NRG3: variants seen among roughly 807,000 people sequenced by gnomAD.
NRG3 encodes neuregulin 3.
Under a neutral mutation model 66.9 loss-of-function variants are expected in NRG3, and 31 were observed. The observed-to-expected ratio is 0.46, with a 90% confidence interval of 0.35 to 0.63. The LOEUF (loss-of-function observed/expected upper bound fraction) is 0.63. Ranked by LOEUF, NRG3 falls within the 20% of genes least tolerant of loss-of-function variation. The pLI is 0.00. For synonymous variants in NRG3, 393 were observed against 359.4 expected (o/e 1.09, Z -1.06); for missense variants, 910 against 878.9 (o/e 1.04, Z -0.45).
chr10:81,936,803 A>G (rs1327255170), intron 1 of NRG3, among the ~76,000 whole-genome samples: 1 of 152,048 alleles, frequency 6.6e-6, no homozygotes, highest in African/African-American at 2.4e-5. Flanking sequence ...GGTCCAAAAG[A>G]TGAGGGGAGG....
At chr10:82,171,803 A>G (rs1273889035) in intron 1 of NRG3, among the ~76,000 whole-genome samples, 1 of 152,112 alleles carries the variant, frequency 6.6e-6, no homozygotes, top group Non-Finnish European at 1.5e-5. Context: ...AAAGGTAAAG[A>G]GGGAAGAACA....
intron 1 of NRG3, among the ~76,000 whole-genome samples, chr10:82,274,598 T>G (rs1224384021): frequency 6.6e-6 from 1 of 152,080 alleles, no homozygotes; most frequent in East Asian, 1.9e-4. Flanking sequence ...AAGAAACATT[T>G]CATTCATACC....
At chr10:82,898,785 G>A (rs569053883) in intron 4 of NRG3, among the ~76,000 whole-genome samples, 23 of 141,534 alleles carry the variant, frequency 1.6e-4, no homozygotes, top group Middle Eastern at 3.9e-3. Context: ...GCAGTTGTGC[G>A]ATCTTGGCTC....
At chr10:82,582,653 C>A (rs927254456) in intron 2 of NRG3, among the ~76,000 whole-genome samples, 2 of 141,820 alleles carry the variant, frequency 1.4e-5, no homozygotes, top group Non-Finnish European at 3.1e-5. Context: ...GGAAAAATAT[C>A]TATATGTGTT....
intron 1 of NRG3, among the ~76,000 whole-genome samples, chr10:82,312,304 A>G (rs934510834): frequency 6.6e-6 from 1 of 152,212 alleles, no homozygotes; most frequent in African/African-American, 2.4e-5. Flanking sequence ...ATACTGTCAT[A>G]TCTGAGTCTA....
At chr10:82,546,038 G>T (rs554775030) in intron 2 of NRG3, among the ~76,000 whole-genome samples, 1 of 152,096 alleles carries the variant, frequency 6.6e-6, no homozygotes, top group African/African-American at 2.4e-5. Flanking sequence ...CAAAGTGCTG[G>T]GATTACAGGC....
intron 2 of NRG3, among the ~76,000 whole-genome samples, chr10:82,377,826 C>G (rs936411283): frequency 6.6e-6 from 1 of 152,190 alleles, no homozygotes; most frequent in Non-Finnish European, 1.5e-5. Context: ...GCTGGGATTT[C>G]TGCAAATAAC....
intron 1 of NRG3, among the ~76,000 whole-genome samples, chr10:82,248,708 T>C (rs1450866309): frequency 6.6e-6 from 1 of 152,220 alleles, no homozygotes; most frequent in African/African-American, 2.4e-5. Flanking sequence ...GTTATGATCA[T>C]TATCATTTTA....
chr10:82,533,904 TCA>T (rs1847553144), intron 2 of NRG3, among the ~76,000 whole-genome samples: 1 of 152,124 alleles, frequency 6.6e-6, no homozygotes, highest in Admixed American at 6.6e-5. Context: ...ATAAATGAAT[TCA>T]GCAAAGTTGT....
intron 2 of NRG3, among the ~76,000 whole-genome samples, chr10:82,408,916 T>C (rs1319859922): frequency 2.0e-5 from 3 of 152,120 alleles, no homozygotes; most frequent in Non-Finnish European, 4.4e-5. Flanking sequence ...AGGAAACTTT[T>C]CCACATGTGG....
intron 2 of NRG3, among the ~76,000 whole-genome samples, chr10:82,685,087 A>T (rs780669633): frequency 1.3e-5 from 2 of 152,268 alleles, no homozygotes; most frequent in Non-Finnish European, 2.9e-5. Context: ...AATAAGAAAA[A>T]ATATGAAAAA....
At chr10:82,634,157 G>A (rs1173934620) in intron 2 of NRG3, among the ~76,000 whole-genome samples, 1 of 152,144 alleles carries the variant, frequency 6.6e-6, no homozygotes, top group Non-Finnish European at 1.5e-5. Flanking sequence ...AATTGTAGAA[G>A]CAATTTTCCA....
intron 2 of NRG3, among the ~76,000 whole-genome samples, chr10:82,482,092 C>G (rs971514498): frequency 6.6e-6 from 1 of 151,662 alleles, no homozygotes; most frequent in Non-Finnish European, 1.5e-5. Flanking sequence ...TTTTTAAAAC[C>G]AAACATATAC....
intron 1 of NRG3, among the ~76,000 whole-genome samples, chr10:81,984,917 C>T (rs76405080): frequency 3.0e-4 from 45 of 152,036 alleles, no homozygotes; most frequent in African/African-American, 9.2e-4. Flanking sequence ...TGAAAAAATA[C>T]AAAACGGTGT....
chr10:82,793,143 G>A (rs957492909), intron 3 of NRG3, among the ~76,000 whole-genome samples: 2 of 151,916 alleles, frequency 1.3e-5, no homozygotes, highest in African/African-American at 4.8e-5. Context: ...TTAAAATGTT[G>A]ATCATTCCAT....
intron 2 of NRG3, among the ~76,000 whole-genome samples, chr10:82,501,355 C>A (rs535688253): frequency 6.6e-6 from 1 of 152,250 alleles, no homozygotes; most frequent in South Asian, 2.1e-4. Flanking sequence ...AAGAGCAAAC[C>A]TTTTAACATA....
At chr10:82,905,955 C>T (rs1412919) in intron 4 of NRG3, among the ~76,000 whole-genome samples, 38,144 of 151,972 alleles carry the variant, frequency 0.25, 5,230 homozygotes, top group East Asian at 0.52. Context: ...TAGAGGCTAG[C>T]TTAGCTGTGG....
chr10:82,926,891 C>A (rs1847057845), intron 4 of NRG3, among the ~76,000 whole-genome samples: 1 of 152,220 alleles, frequency 6.6e-6, no homozygotes. Flanking sequence ...CATGTCTCAA[C>A]TGCACTGTGT....
chr10:82,115,493 T>C (rs986447452), intron 1 of NRG3, among the ~76,000 whole-genome samples: 5 of 152,124 alleles, frequency 3.3e-5, no homozygotes, highest in Non-Finnish European at 7.4e-5. Flanking sequence ...TTTTCTGAAT[T>C]TTATTTGAGG....
Sources: gnomAD v4.1 joint callset for allele counts (sites outside exome capture counted in the v4.1 genomes callset) on GRCh38, gnomAD v4.1.1 for gene constraint, MANE v1.5 for transcripts, NCBI Gene and HGNC (gene_info 2026-07-23, HGNC 2026-07-21) for gene names.